KMT2C: variants seen among roughly 807,000 people sequenced by gnomAD.
The protein encoded by KMT2C is lysine methyltransferase 2C, also known as histone-lysine N-methyltransferase 2C.
In KMT2C, 88 loss-of-function variants were observed where a neutral mutation model predicts 507.9. The observed-to-expected ratio is 0.17, with a 90% CI of 0.15 to 0.21. The LOEUF is 0.21. KMT2C is among the 10% of genes least tolerant of loss of function. The pLI, the probability that KMT2C is intolerant of heterozygous loss-of-function variation, is 1.00. For missense variants in KMT2C, 4,954 were observed against 5,957.8 expected, an observed-to-expected ratio of 0.83 and a Z score of 5.55; for synonymous variants, 2,049 against 2,080.8, an observed-to-expected ratio of 0.98 and a Z score of 0.42.
chr7:152,300,844 G>A (rs1188219597), intron 6 of KMT2C, among the ~76,000 whole-genome samples: 2 of 152,066 alleles, frequency 1.3e-5, no homozygotes, highest in African/African-American at 4.8e-5. Flanking sequence ...TGGATCACGA[G>A]GTCAAGAGAT....
intron 58 of KMT2C, chr7:152,137,833 T>A (rs982625180): frequency 1.1e-4 from 16 of 152,266 alleles, no homozygotes; most frequent in African/African-American, 3.9e-4. Flanking sequence ...CATTGGTTAC[T>A]GGCACTGTGC....
intron 1 of KMT2C, among the ~76,000 whole-genome samples, chr7:152,416,459 G>GA (rs537013105): frequency 1.2e-3 from 187 of 152,388 alleles, no homozygotes; most frequent in African/African-American, 4.2e-3. Flanking sequence ...TGAGGCAGGA[G>GA]AATGGCGTGA....
chr7:152,370,490 C>A (rs2097285751), intron 1 of KMT2C, among the ~76,000 whole-genome samples: 1 of 152,106 alleles, frequency 6.6e-6, no homozygotes, highest in Admixed American at 6.5e-5. Context: ...AAGGAGGGAA[C>A]AACATTTCTC....
chr7:152,365,802 T>C (rs2097238070), intron 1 of KMT2C, among the ~76,000 whole-genome samples: 1 of 152,182 alleles, frequency 6.6e-6, no homozygotes, highest in South Asian at 2.1e-4. Context: ...GTCTTTCAGG[T>C]AGACAGAATA....
intron 51 of KMT2C, among the ~76,000 whole-genome samples, chr7:152,149,738 G>A (rs1760017565): frequency 6.6e-6 from 1 of 152,140 alleles, no homozygotes; most frequent in South Asian, 2.1e-4. Flanking sequence ...TGAAACAGTT[G>A]AGCTGAGGGG....
chr7:152,181,709 G>A lies in KMT2C; in HGVS notation c.6151C>T (p.Pro2051Ser), dbSNP rs1247488336. 2.5e-6 allele frequency: 4 copies of A among 1,614,158 alleles called. No homozygotes were observed. Among genetic ancestry groups the A allele is most frequent in the Admixed American group, 3.3e-5 (2 of 60,020 alleles). ...GPFKTPMQPP[P>S]SSQDPYGSVS... ...GATCCATAAGGATCCTGAGAGGATG[G>A]AGGAGGTTGCATTGGAGTCTTAAAA... The change falls in exon 36 of 59, where the codon CCA becomes TCA. Residue 2051 changes from proline (P) to serine (S), a missense_variant. This residue lies in a region of KMT2C where 1,689 missense variants were observed against 1,654.3 expected (regional missense o/e 1.02). Transcript: ENST00000262189.
At chr7:152,197,210 G>C (rs1225173543) in intron 27 of KMT2C, among the ~76,000 whole-genome samples, 1 of 152,166 alleles carries the variant, frequency 6.6e-6, no homozygotes. Flanking sequence ...GACGTATTTT[G>C]AAGGCAGACA....
At chr7:152,161,842 A>G (rs2092470011) in intron 43 of KMT2C, among the ~76,000 whole-genome samples, 1 of 152,222 alleles carries the variant, frequency 6.6e-6, no homozygotes, top group African/African-American at 2.4e-5. Context: ...TATCAACTCA[A>G]TGTGGTAATA....
chr7:152,271,388 G>C (rs2095965327), intron 7 of KMT2C, among the ~76,000 whole-genome samples: 1 of 151,944 alleles, frequency 6.6e-6, no homozygotes, highest in Admixed American at 6.6e-5. Context: ...AGATCCCCAA[G>C]GAGGCCGGGC....
intron 1 of KMT2C, among the ~76,000 whole-genome samples, chr7:152,360,699 A>G (rs2097189896): frequency 6.6e-6 from 1 of 151,596 alleles, no homozygotes; most frequent in East Asian, 1.9e-4. Context: ...AAAAAGAAAA[A>G]TTAGCTGGGC....
intron 43 of KMT2C, among the ~76,000 whole-genome samples, chr7:152,160,357 C>T (rs992579773): frequency 5.3e-5 from 8 of 151,988 alleles, no homozygotes; most frequent in Admixed American, 3.9e-4. Context: ...TCAGAAATAC[C>T]GGGGCTGGAG....
chr7:152,240,248 T>C (rs2095358130), intron 14 of KMT2C, among the ~76,000 whole-genome samples: 1 of 152,240 alleles, frequency 6.6e-6, no homozygotes, highest in Non-Finnish European at 1.5e-5. Context: ...TATGTCTTCT[T>C]CCCTACTATT....
chr7:152,149,242 C>T (rs1662594632), intron 51 of KMT2C, 90 bp from the exon 52 acceptor site: 2 of 1,281,432 alleles, frequency 1.6e-6, no homozygotes, highest in African/African-American at 3.0e-5. Context: ...AGCAGTATGA[C>T]TGAAGAGGAT....
chr7:152,311,758 C>T (rs371168334), intron 5 of KMT2C, 40 bp downstream of exon 5: 3 of 1,460,358 alleles, frequency 2.1e-6, no homozygotes, highest in Non-Finnish European at 1.8e-6. Flanking sequence ...AAAATGCTTC[C>T]AGAATTAAGA....
intron 18 of KMT2C, among the ~76,000 whole-genome samples, chr7:152,226,219 CTTTTT>C (rs869076803): frequency 5.3e-5 from 5 of 94,958 alleles, no homozygotes; most frequent in East Asian, 2.8e-4. Flanking sequence ...ATTACAAGGC[CTTTTT>C]TTTTTTTTTT....
At chr7:152,394,042 A>G (rs2097522023) in intron 1 of KMT2C, among the ~76,000 whole-genome samples, 1 of 152,206 alleles carries the variant, frequency 6.6e-6, no homozygotes, top group African/African-American at 2.4e-5. Context: ...TTTTTCTCAC[A>G]TGCCACATCC....
intron 49 of KMT2C, 125 bp downstream of exon 49, chr7:152,152,580 T>C: frequency 8.5e-7 from 1 of 1,182,084 alleles, no homozygotes; most frequent in Non-Finnish European, 1.2e-6. Flanking sequence ...CATGGTAAGT[T>C]CACCAAGGAC....
intron 1 of KMT2C, among the ~76,000 whole-genome samples, 195 bp downstream of exon 1, chr7:152,435,431 C>T (rs1178794641): frequency 1.4e-5 from 2 of 147,004 alleles, no homozygotes; most frequent in Non-Finnish European, 3.0e-5. Context: ...CGGCGCGGAG[C>T]GGGGGAGGCC....
rs2093600838 is a variant in KMT2C at position 152,185,560 on chromosome 7, C to G, written c.5080G>C (p.Val1694Leu). The change falls in exon 34 of 59, where the codon GTG becomes CTG. Residue 1694 changes from valine to leucine, a missense_variant and splice_region_variant. Physicochemically the swap from Val to Leu is conservative, Grantham distance 32. Transcript: ENST00000262189. ...GATAGAGGAGTTTCTTAAAATACCA[C>G]ATATGGTGCTCTTTCTTGTGAGCTT... is the stretch of plus-strand genomic sequence containing the variant. Reference protein sequence around the residue: ...KASSQERAPYVQKARDNRAAL... With the variant: ...KASSQERAPYLQKARDNRAAL... The G allele has an allele frequency of 6.2e-7, 1 of 1,612,520 alleles. No individual in the cohort carries two copies. Among genetic ancestry groups the G allele is most frequent in the South Asian group, 1.1e-5 (1 of 91,046 alleles).
Sources: gnomAD v4.1 joint callset for allele counts (sites outside exome capture counted in the v4.1 genomes callset) on GRCh38, gnomAD v4.1.1 for gene constraint, gnomAD v4.1.1 regional missense constraint, MANE v1.5 for transcripts, NCBI Gene and HGNC (gene_info 2026-07-23, HGNC 2026-07-21) for gene names.